The following SDC2 variants were observed in gnomAD, a reference collection of about 807,000 sequenced individuals.
SDC2 encodes syndecan-2.
In SDC2, 13 loss-of-function variants were observed where a neutral mutation model predicts 22.2. That is an observed-to-expected ratio of 0.59 (90% CI 0.38 to 0.93). The LOEUF (loss-of-function observed/expected upper bound fraction) is 0.93. Ranked by LOEUF, SDC2 falls within the 40% of genes least tolerant of loss-of-function variation. The pLI is 0.00. For synonymous variants in SDC2, 94 were observed against 92.8 expected (o/e 1.01, Z -0.07); for missense variants, 235 against 246.8 (o/e 0.95, Z 0.32).
chr8:96,508,513 T>G (rs1488876409), intron 1 of SDC2, among the ~76,000 whole-genome samples: 1 of 96,362 alleles, frequency 1.0e-5, no homozygotes, highest in African/African-American at 3.2e-5. Flanking sequence ...AAAAAAAAGA[T>G]TATTGGTTTA....
At chr8:96,529,738 C>A (rs1278453176) in intron 1 of SDC2, among the ~76,000 whole-genome samples, 2 of 152,158 alleles carry the variant, frequency 1.3e-5, no homozygotes, top group Non-Finnish European at 2.9e-5. Flanking sequence ...TCCTTCAGTG[C>A]TTTCTTCCCT....
chr8:96,587,039 C>T lies in SDC2; in HGVS notation c.61-6441C>T, dbSNP rs140601161. Among the ~76,000 whole-genome samples, 255 of 152,242 alleles carry T rather than the reference C, an allele frequency of 1.7e-3. 5 individuals are homozygous for T. In the East Asian group the frequency reaches 0.027, roughly 16 times the overall value. ...CTGGGTTCAAGCGATTCTCCTGCCT[C>T]GGCCTCCCAAGTAGCTGGGATAACA... On this transcript the variant is annotated intron_variant, in intron 1 of 4. Transcript: ENST00000302190.
Position 96,609,526 on chromosome 8 carries a change from C to G in SDC2, c.584C>G (p.Pro195Arg). 1 of 1,600,010 alleles carries G rather than the reference C, an allele frequency of 6.2e-7. No homozygotes were observed. The highest frequency in any genetic ancestry group is 1.1e-5 in the South Asian group (1 of 88,744). The change falls in exon 5 of 5, where the codon CCT becomes CGT. Residue 195 changes from proline (P) to arginine (R), a missense_variant. Transcript: ENST00000302190. ...KPSSAAYQKA[P>R]TKEFYA is the part of the protein sequence containing the mutation. The stretch of plus-strand genomic sequence containing the variant: ...TCCAGTGCTGCTTATCAGAAGGCAC[C>G]TACTAAGGAGTTTTATGCGTAAAAC...
At chr8:96,581,979 G>A (rs1338356014) in intron 1 of SDC2, among the ~76,000 whole-genome samples, 2 of 152,204 alleles carry the variant, frequency 1.3e-5, no homozygotes, top group Non-Finnish European at 2.9e-5. Context: ...CACAGGTCAC[G>A]TGATCATCAG....
At chr8:96,495,673 C>T (rs529076660) in intron 1 of SDC2, among the ~76,000 whole-genome samples, 2 of 152,134 alleles carry the variant, frequency 1.3e-5, no homozygotes, top group Non-Finnish European at 2.9e-5. Flanking sequence ...GAGTCTCCCT[C>T]CCCCCCTTTT....
intron 3 of SDC2, among the ~76,000 whole-genome samples, chr8:96,604,625 A>T (rs1350014598): frequency 1.3e-5 from 2 of 152,194 alleles, no homozygotes; most frequent in Non-Finnish European, 2.9e-5. Flanking sequence ...CAGTGGCATT[A>T]ATGTCACTGT....
At chr8:96,538,910 T>G (rs1031918505) in intron 1 of SDC2, 1 of 152,262 alleles carries the variant, frequency 6.6e-6, no homozygotes, top group Non-Finnish European at 1.5e-5. Context: ...CTGCTAGCCG[T>G]CTGGTTTTGG....
At chr8:96,572,698 C>G (rs1020773843) in intron 1 of SDC2, among the ~76,000 whole-genome samples, 2 of 152,190 alleles carry the variant, frequency 1.3e-5, no homozygotes, top group African/African-American at 4.8e-5. Flanking sequence ...ATTTCCACCC[C>G]TGCACATATC....
intron 1 of SDC2, among the ~76,000 whole-genome samples, chr8:96,530,749 T>C (rs1471808245): frequency 6.6e-6 from 1 of 152,248 alleles, no homozygotes; most frequent in Non-Finnish European, 1.5e-5. Context: ...CAAATGAAGA[T>C]AATAAGAAAT....
At chr8:96,596,620 G>A (rs1226304383) in intron 2 of SDC2, among the ~76,000 whole-genome samples, 5 of 152,170 alleles carry the variant, frequency 3.3e-5, no homozygotes, top group East Asian at 3.8e-4. Flanking sequence ...TACCCGGTGA[G>A]GGGTGACATA....
At chr8:96,528,013 A>T (rs1813604512) in intron 1 of SDC2, among the ~76,000 whole-genome samples, 1 of 152,242 alleles carries the variant, frequency 6.6e-6, no homozygotes. Context: ...GCATAAAAAC[A>T]TGCAAATAAT....
chr8:96,531,730 G>C (rs931077498), intron 1 of SDC2, among the ~76,000 whole-genome samples: 1 of 152,146 alleles, frequency 6.6e-6, no homozygotes, highest in East Asian at 1.9e-4. Context: ...TACTTGGCGT[G>C]GTTTTATAAA....
chr8:96,571,748 C>T (rs2575710), intron 1 of SDC2, among the ~76,000 whole-genome samples: 88,790 of 152,062 alleles, frequency 0.58, 26,931 homozygotes, highest in Non-Finnish European at 0.66. Context: ...CAAACTAAAA[C>T]TGTCACAAGT....
At chr8:96,598,628 A>G (rs1383866357) in intron 2 of SDC2, among the ~76,000 whole-genome samples, 2 of 152,068 alleles carry the variant, frequency 1.3e-5, no homozygotes, top group African/African-American at 2.4e-5. Flanking sequence ...AAATAAATAA[A>G]TAAATAACAA....
At chr8:96,537,623 T>A (rs1013990851) in intron 1 of SDC2, among the ~76,000 whole-genome samples, 4 of 152,148 alleles carry the variant, frequency 2.6e-5, no homozygotes, top group Non-Finnish European at 1.5e-5. Context: ...TAAAAGAAAT[T>A]AATAATTTTT....
At chr8:96,522,060 C>G (rs762727111) in intron 1 of SDC2, among the ~76,000 whole-genome samples, 4 of 152,142 alleles carry the variant, frequency 2.6e-5, no homozygotes, top group Non-Finnish European at 5.9e-5. Flanking sequence ...ACCATCCTTT[C>G]TGCAAAACTC....
At chr8:96,596,180 G>A (rs1161600274) in intron 2 of SDC2, among the ~76,000 whole-genome samples, 1 of 152,208 alleles carries the variant, frequency 6.6e-6, no homozygotes, top group Non-Finnish European at 1.5e-5. Context: ...GAAGGTAATA[G>A]AACTGGGATA....
intron 1 of SDC2, among the ~76,000 whole-genome samples, chr8:96,520,754 G>GGATT (rs1216818635): frequency 6.6e-6 from 1 of 152,174 alleles, no homozygotes; most frequent in Non-Finnish European, 1.5e-5. Context: ...AGTTCTCTAA[G>GGATT]GATTAGCTGC....
chr8:96,494,311 G>T lies in SDC2; in HGVS notation c.40G>T (p.Ala14Ser). 6.5e-7 allele frequency: 1 copy of T among 1,545,702 alleles called. No homozygotes were observed. The change falls in exon 1 of 5, where the codon GCC (alanine) becomes TCC (serine). Residue 14 changes from alanine to serine, a missense_variant. Coordinates refer to ENST00000302190, the MANE Select transcript of SDC2 (RefSeq NM_002998.4). ...AWILLTLGLV[A>S]CVSAESRAEL... Reference sequence around the variant, plus strand: ...GATCCTGCTCACCTTGGGCTTGGTGGCCTGCGTGTCGGCGGAGTCGGTGAG... The same window carrying T: ...GATCCTGCTCACCTTGGGCTTGGTGTCCTGCGTGTCGGCGGAGTCGGTGAG...
Sources: allele counts gnomAD v4.1 joint callset (sites outside exome capture counted in the v4.1 genomes callset), GRCh38; gene constraint gnomAD v4.1.1; transcripts MANE v1.5; gene names NCBI Gene and HGNC (gene_info 2026-07-23, HGNC 2026-07-21).